Variants in ADGRV1 observed in about 807,000 individuals in gnomAD.
The protein encoded by ADGRV1 is G-protein coupled receptor 98.
A neutral mutation model predicts 596.2 loss-of-function variants in ADGRV1; 359 were observed. That is an observed-to-expected ratio of 0.60 (90% confidence interval 0.55 to 0.66). The LOEUF (loss-of-function observed/expected upper bound fraction) is 0.66, where lower values mean the gene tolerates loss of function less well. Ranked by LOEUF, ADGRV1 falls within the 30% of genes least tolerant of loss-of-function variation. The pLI is 0.00. For missense variants in ADGRV1, 7,274 were observed against 7,575.6 expected (o/e 0.96, Z 1.48); for synonymous variants, 2,681 against 2,679.2 (o/e 1.00, Z -0.02).
chr5:90,790,027 ACC>A (rs1759891844), intron 69 of ADGRV1, among the ~76,000 whole-genome samples, 176 bp downstream of exon 69: 5 of 152,292 alleles, frequency 3.3e-5, no homozygotes, highest in Non-Finnish European at 7.4e-5. Context: ...ATCAGCATCA[ACC>A]TCTAGCTATC....
At chr5:90,991,433 T>G (rs1036616892) in intron 85 of ADGRV1, among the ~76,000 whole-genome samples, 2 of 152,104 alleles carry the variant, frequency 1.3e-5, no homozygotes, top group Non-Finnish European at 2.9e-5. Flanking sequence ...TTGATTACTG[T>G]TTTTTAGTTT....
intron 52 of ADGRV1, among the ~76,000 whole-genome samples, chr5:90,747,230 C>T (rs73177407): frequency 0.021 from 3,205 of 152,022 alleles, 38 homozygotes; most frequent in Middle Eastern, 0.061. Context: ...GAGCAAAGGC[C>T]CTGCAGTGTA....
chr5:91,089,553 GAA>G (rs1005687241), intron 86 of ADGRV1, among the ~76,000 whole-genome samples: 12 of 152,146 alleles, frequency 7.9e-5, no homozygotes. Flanking sequence ...GGGTCTATCA[GAA>G]AATAGTTCTG....
chr5:90,628,098 C>CTTTT (rs1406882528), intron 7 of ADGRV1, among the ~76,000 whole-genome samples: 1 of 151,808 alleles, frequency 6.6e-6, no homozygotes, highest in Non-Finnish European at 1.5e-5. Flanking sequence ...ATTAAAAATA[C>CTTTT]TTTTTTCCGC....
chr5:91,111,502 G>A (rs1792367874), intron 87 of ADGRV1, among the ~76,000 whole-genome samples: 1 of 152,138 alleles, frequency 6.6e-6, no homozygotes, highest in African/African-American at 2.4e-5. Flanking sequence ...GTTCAGTGCA[G>A]GTGTCTGCTT....
chr5:91,007,417 C>G (rs1397723699), intron 85 of ADGRV1, among the ~76,000 whole-genome samples: 5 of 152,220 alleles, frequency 3.3e-5, no homozygotes, highest in Admixed American at 2.6e-4. Flanking sequence ...ACTTCCTTTT[C>G]TCTCCCCTGG....
chr5:90,940,903 T>C (rs1342600950), intron 83 of ADGRV1, among the ~76,000 whole-genome samples: 1 of 152,186 alleles, frequency 6.6e-6, no homozygotes, highest in Non-Finnish European at 1.5e-5. Context: ...ATAGGCCTAA[T>C]GTTTTCACAA....
At chr5:90,828,848 A>G (rs1764278807) in intron 76 of ADGRV1, 96 bp from the exon 77 acceptor site, 1 of 664,616 alleles carries the variant, frequency 1.5e-6, no homozygotes, top group Non-Finnish European at 2.2e-6. Flanking sequence ...TTCTCTAAAA[A>G]TGTATATGAA....
At chr5:90,663,095 T>A (rs370566196) in intron 21 of ADGRV1, among the ~76,000 whole-genome samples, 3 of 150,268 alleles carry the variant, frequency 2.0e-5, no homozygotes, top group South Asian at 4.3e-4. Context: ...TCTTTATAGC[T>A]GCATGATTTA....
In ADGRV1 at chr5:90,999,008, T is replaced by C. The variant is rs189730962; in HGVS notation, c.18152+13486T>C. ...CATAGATTTATACAGCATTTGTTTC[T>C]TTTTTGGATTACTTGTTCATCTCCC... On this transcript the variant is annotated intron_variant, in intron 85 of 89. Transcript: ENST00000405460. Among the ~76,000 whole-genome samples, 776 of 152,254 alleles carry C rather than the reference T, an allele frequency of 5.1e-3. 1 individual carries two copies. Among genetic ancestry groups the C allele is most frequent in the Non-Finnish European group, 8.4e-3 (568 of 67,950 alleles).
chr5:90,627,283 A>G lies in ADGRV1; in HGVS notation c.745A>G (p.Arg249Gly), dbSNP rs1764890211. 1 of 1,610,480 alleles carries G rather than the reference A, an allele frequency of 6.2e-7. No homozygotes were observed. The highest frequency in any genetic ancestry group is 8.5e-7 in the Non-Finnish European group (1 of 1,177,514). Reference sequence around the variant, plus strand: ...AGGAGGAGCTGAGATTAACACCTCTAGGAATTCCATTGAGATCATCATTAA... The same window carrying G: ...AGGAGGAGCTGAGATTAACACCTCTGGGAATTCCATTGAGATCATCATTAA... ...VEGGAEINTSRNSIEIIIKKN... is the reference protein window; with the variant it reads ...VEGGAEINTSGNSIEIIIKKN... The change falls in exon 7 of 90, where the codon AGG (arginine) becomes GGG (glycine). Residue 249 changes from arginine to glycine, a missense_variant. Arg to Gly is a moderately radical substitution (Grantham distance 125). Coordinates refer to ENST00000405460, the MANE Select transcript of ADGRV1 (RefSeq NM_032119.4).
intron 1 of ADGRV1, among the ~76,000 whole-genome samples, chr5:90,580,440 C>T (rs1469142515): frequency 2.0e-5 from 3 of 151,788 alleles, no homozygotes; most frequent in African/African-American, 4.8e-5. Context: ...ACTAATCAAA[C>T]GTAGATTTGG....
chr5:91,048,469 G>T (rs186947773), intron 85 of ADGRV1, among the ~76,000 whole-genome samples: 1 of 152,244 alleles, frequency 6.6e-6, no homozygotes, highest in Non-Finnish European at 1.5e-5. Context: ...TCTCACACTG[G>T]AGATTTTCCA....
At chr5:90,740,809 T>G (rs1484146593) in intron 50 of ADGRV1, among the ~76,000 whole-genome samples, 1 of 152,148 alleles carries the variant, frequency 6.6e-6, no homozygotes. Flanking sequence ...CTCTCTTCCC[T>G]CTGTAAAAAC....
intron 83 of ADGRV1, among the ~76,000 whole-genome samples, chr5:90,908,946 T>C (rs76007790): frequency 0.021 from 3,195 of 152,176 alleles, 57 homozygotes; most frequent in Non-Finnish European, 0.033. Context: ...AGGGAGGAAG[T>C]AGGATTTTAG....
intron 86 of ADGRV1, among the ~76,000 whole-genome samples, chr5:91,089,154 A>G (rs1307059869): frequency 6.6e-6 from 1 of 152,164 alleles, no homozygotes; most frequent in Non-Finnish European, 1.5e-5. Context: ...ACAGATATCA[A>G]AGAGCTTTGT....
chr5:90,606,552 G>C (rs2152034264), intron 1 of ADGRV1, among the ~76,000 whole-genome samples: 1 of 152,218 alleles, frequency 6.6e-6, no homozygotes, highest in East Asian at 1.9e-4. Context: ...TAGGCTTCCA[G>C]GTAGACATTC....
chr5:90,802,700 G>A (rs1251311416), intron 70 of ADGRV1, 39 bp from the exon 71 acceptor site: 5 of 1,583,698 alleles, frequency 3.2e-6, no homozygotes, highest in Non-Finnish European at 4.3e-6. Context: ...ATTTTTCTCT[G>A]AAAATTATTT....
intron 85 of ADGRV1, among the ~76,000 whole-genome samples, chr5:91,032,215 A>C (rs1784539273): frequency 6.6e-6 from 1 of 152,242 alleles, no homozygotes; most frequent in Non-Finnish European, 1.5e-5. Context: ...GATTGCAAAG[A>C]GGCCAGTGTG....
Sources: gnomAD v4.1 joint callset for allele counts (sites outside exome capture counted in the v4.1 genomes callset) on GRCh38, gnomAD v4.1.1 for gene constraint, MANE v1.5 for transcripts, NCBI Gene and HGNC (gene_info 2026-07-23, HGNC 2026-07-21) for gene names.